DST: variants seen among roughly 807,000 people sequenced by gnomAD.
DST encodes the protein bullous pemphigoid antigen.
DST carries 253 observed loss-of-function variants against 875.2 expected under a neutral mutation model. The ratio of observed to expected loss-of-function variants is 0.29; its 90% CI spans 0.26 to 0.32. DST has a LOEUF of 0.32. Ranked by LOEUF, DST falls within the 10% of genes least tolerant of loss-of-function variation. The pLI is 1.00. For missense variants in DST, 8,287 were observed against 9,111.6 expected (o/e 0.91, Z 3.68); for synonymous variants, 3,124 against 3,197.1 (o/e 0.98, Z 0.77).
intron 2 of DST, among the ~76,000 whole-genome samples, chr6:56,936,780 T>C (rs1031868576): frequency 3.3e-5 from 5 of 151,794 alleles, no homozygotes; most frequent in Non-Finnish European, 5.9e-5. Context: ...CAGAAGAGAA[T>C]ACCAGAAACA....
intron 4 of DST, among the ~76,000 whole-genome samples, chr6:56,774,949 G>A (rs1458571189): frequency 7.0e-6 from 1 of 143,436 alleles, no homozygotes; most frequent in East Asian, 2.0e-4. Flanking sequence ...CCAAGATGGC[G>A]CCATTGCACT....
At chr6:56,943,684 C>T (rs934848061) in intron 2 of DST, among the ~76,000 whole-genome samples, 2 of 152,126 alleles carry the variant, frequency 1.3e-5, no homozygotes, top group Middle Eastern at 3.4e-3. Context: ...TTGCCCTCCT[C>T]GGCCTCCCAA....
At chr6:56,668,873 A>G (rs904605602) in intron 10 of DST, among the ~76,000 whole-genome samples, 1 of 152,036 alleles carries the variant, frequency 6.6e-6, no homozygotes, top group South Asian at 2.1e-4. Context: ...CCAAAATAAA[A>G]AGGGAGAAAG....
chr6:56,852,460 A>C (rs1765748513), intron 3 of DST, among the ~76,000 whole-genome samples: 1 of 152,210 alleles, frequency 6.6e-6, no homozygotes, highest in African/African-American at 2.4e-5. Context: ...TTGCCAAAGC[A>C]CTTTGCCTGA....
chr6:56,700,604 C>T (rs1563752787), intron 8 of DST, among the ~76,000 whole-genome samples: 1 of 152,046 alleles, frequency 6.6e-6, no homozygotes, highest in Non-Finnish European at 1.5e-5. Flanking sequence ...TAATATAATA[C>T]TCAGACTTAA....
intron 9 of DST, among the ~76,000 whole-genome samples, chr6:56,694,217 A>T (rs1310248368): frequency 1.5e-5 from 1 of 66,514 alleles, no homozygotes; most frequent in Non-Finnish European, 2.8e-5. Flanking sequence ...TAGATATGGT[A>T]AAAAAAAAAA....
chr6:56,622,129 CA>C (rs905036268), intron 36 of DST, among the ~76,000 whole-genome samples: 34 of 152,274 alleles, frequency 2.2e-4, no homozygotes, highest in African/African-American at 7.7e-4. Context: ...AAGACAGTCT[CA>C]GTTGCTTATC....
At chr6:56,586,407 T>C (rs1394026107) in intron 49 of DST, among the ~76,000 whole-genome samples, 1 of 151,654 alleles carries the variant, frequency 6.6e-6, no homozygotes, top group Admixed American at 6.6e-5. Flanking sequence ...TATCAGAGAC[T>C]AGGATTGCAA....
intron 4 of DST, among the ~76,000 whole-genome samples, chr6:56,770,101 T>C (rs745551959): frequency 4.6e-5 from 7 of 152,198 alleles, no homozygotes; most frequent in Non-Finnish European, 7.3e-5. Context: ...CTTCAGAGCA[T>C]CCATTCTGGT....
rs369841392 is a variant in DST at position 56,561,493 on chromosome 6, C to G, written c.14125G>C (p.Gly4709Arg). The change falls in exon 57 of 104, where the codon GGC (glycine) becomes CGC (arginine). Residue 4709 changes from glycine to arginine, a missense_variant. Physicochemically the swap from Gly to Arg is moderately radical, Grantham distance 125 (BLOSUM62 -2). Transcript: ENST00000680361. The stretch of plus-strand genomic sequence containing the variant: ...GCTATTTTGTCCTTGAGTAAGAGGC[C>G]AAGATCTTCATAACCATGACTTATG... ...TDISHGYEDL[G>R]LLLKDKIAEL... The G allele has an allele frequency of 1.2e-6, 2 of 1,613,688 alleles. No individual in the cohort carries two copies. Among genetic ancestry groups the G allele is most frequent in the Non-Finnish European group, 1.7e-6 (2 of 1,179,722 alleles).
At chr6:56,562,564 AG>A (rs1276945915) in intron 55 of DST, among the ~76,000 whole-genome samples, 11 of 151,046 alleles carry the variant, frequency 7.3e-5, no homozygotes, top group African/African-American at 1.9e-4. Flanking sequence ...GTGGAGCTTT[AG>A]TTTTTTTTTA....
intron 9 of DST, among the ~76,000 whole-genome samples, chr6:56,688,878 G>C (rs892697432): frequency 7.2e-5 from 11 of 152,194 alleles, no homozygotes; most frequent in African/African-American, 2.7e-4. Context: ...TAAAGGAAGA[G>C]AGGGAAAGAG....
intron 2 of DST, among the ~76,000 whole-genome samples, chr6:56,911,190 G>T (rs992495032): frequency 2.0e-5 from 3 of 152,174 alleles, no homozygotes; most frequent in Non-Finnish European, 2.9e-5. Context: ...AGGCTGCAAG[G>T]GAGGAAGGGA....
At chr6:56,772,181 C>T (rs955385828) in intron 4 of DST, among the ~76,000 whole-genome samples, 2 of 152,232 alleles carry the variant, frequency 1.3e-5, no homozygotes, top group East Asian at 1.9e-4. Context: ...GCTTCTTTAG[C>T]AGGCTTCGGT....
At chr6:56,660,570 T>C (rs967841555) in intron 10 of DST, among the ~76,000 whole-genome samples, 3 of 150,232 alleles carry the variant, frequency 2.0e-5, no homozygotes, top group African/African-American at 4.9e-5. Context: ...AGCATGTCCT[T>C]ACTGTTCTTA....
chr6:56,663,178 A>G (rs1161708945), intron 10 of DST, among the ~76,000 whole-genome samples: 2 of 152,226 alleles, frequency 1.3e-5, no homozygotes, highest in Non-Finnish European at 2.9e-5. Flanking sequence ...CACCAGATGT[A>G]GACACTAACT....
intron 72 of DST, among the ~76,000 whole-genome samples, chr6:56,514,613 C>A (rs113623882): frequency 0.015 from 1,313 of 90,484 alleles, 17 homozygotes; most frequent in African/African-American, 0.046. Context: ...ACACACACAC[C>A]CCCTCATGCG....
intron 4 of DST, among the ~76,000 whole-genome samples, chr6:56,771,424 T>C (rs1436245016): frequency 6.6e-6 from 1 of 152,210 alleles, no homozygotes; most frequent in Non-Finnish European, 1.5e-5. Context: ...AAGAATGTGG[T>C]GTCATTTAAG....
rs202229586 is a variant in DST, at chr6:56,615,838, A to G, written c.4930-1354T>C. 40 of 1,614,034 alleles carry G rather than the reference A, an allele frequency of 2.5e-5. No homozygotes were observed. The highest frequency in any genetic ancestry group is 1.0e-4 in the Admixed American group (6 of 60,000). ...CCATTTCCTTATTTATAATATTTGC[A>G]TTCACAGCTTCCACCACTGACATCA... On this transcript the variant is annotated intron_variant, in intron 36 of 103. Coordinates refer to ENST00000680361, the MANE Select transcript of DST (RefSeq NM_001374736.1).
Sources: allele counts gnomAD v4.1 joint callset (sites outside exome capture counted in the v4.1 genomes callset), GRCh38; gene constraint gnomAD v4.1.1; transcripts MANE v1.5; gene names NCBI Gene and HGNC (gene_info 2026-07-23, HGNC 2026-07-21).